Variants in PLEKHS1 observed in about 807,000 individuals in gnomAD.
The protein encoded by PLEKHS1 is pleckstrin homology domain-containing family S member 1.
A neutral mutation model predicts 51.0 loss-of-function variants in PLEKHS1; 55 were observed. The ratio of observed to expected loss-of-function variants is 1.08; its 90% CI spans 0.87 to 1.35. The LOEUF is 1.35. Ranked by LOEUF, PLEKHS1 falls within the 40% of genes most tolerant of loss-of-function variation. The pLI, the probability that PLEKHS1 is intolerant of heterozygous loss-of-function variation, is 0.00. For missense variants in PLEKHS1, 398 were observed against 423.0 expected (o/e 0.94, Z 0.52); for synonymous variants, 153 against 144.8 (o/e 1.06, Z -0.41).
intron 8 of PLEKHS1, among the ~76,000 whole-genome samples, chr10:113,773,534 G>C (rs1844511666): frequency 6.6e-6 from 1 of 152,130 alleles, no homozygotes; most frequent in African/African-American, 2.4e-5. Flanking sequence ...ACTTCAGCCA[G>C]GCCTGAACAT....
chr10:113,756,227 A>C (rs1854105179), intron 2 of PLEKHS1, among the ~76,000 whole-genome samples: 1 of 152,190 alleles, frequency 6.6e-6, no homozygotes, highest in Admixed American at 6.5e-5. Context: ...TGTTGGTGGG[A>C]GGCTGAGGCA....
intron 8 of PLEKHS1, among the ~76,000 whole-genome samples, chr10:113,772,334 T>C (rs1042052191): frequency 1.3e-5 from 2 of 152,106 alleles, no homozygotes; most frequent in African/African-American, 4.8e-5. Context: ...GAGGAGGAGA[T>C]GACTTTCAAA....
chr10:113,771,265 G>A (rs1705752927), intron 7 of PLEKHS1: 1 of 152,222 alleles, frequency 6.6e-6, no homozygotes, highest in Non-Finnish European at 1.5e-5. Context: ...AAAATATGGA[G>A]CAGGAACAGG....
intron 2 of PLEKHS1, among the ~76,000 whole-genome samples, chr10:113,759,714 C>A (rs114017565): frequency 1.3e-5 from 2 of 151,936 alleles, no homozygotes; most frequent in African/African-American, 4.8e-5. Flanking sequence ...TTCCAGTCTT[C>A]GCCTATTATA....
At chr10:113,765,825 T>C (rs1438725020) in intron 2 of PLEKHS1, among the ~76,000 whole-genome samples, 1 of 152,208 alleles carries the variant, frequency 6.6e-6, no homozygotes, top group African/African-American at 2.4e-5. Context: ...TCCTCAGTTT[T>C]GGAAAGGGCA....
chr10:113,777,498 G>A (rs1262774996), intron 11 of PLEKHS1: 27 of 1,574,146 alleles, frequency 1.7e-5, no homozygotes, highest in East Asian at 4.6e-5. Flanking sequence ...ACCTCAGATC[G>A]GCATGATGTA....
chr10:113,774,803 T>A, intron 9 of PLEKHS1, 23 bp from the exon 10 acceptor site: 1 of 1,597,160 alleles, frequency 6.3e-7, no homozygotes, highest in Non-Finnish European at 8.6e-7. Flanking sequence ...AAATAGGGCT[T>A]GTTTTAACTT....
intron 7 of PLEKHS1, among the ~76,000 whole-genome samples, chr10:113,770,645 CT>C (rs1460268588): frequency 6.6e-6 from 1 of 152,072 alleles, no homozygotes; most frequent in Admixed American, 6.6e-5. Flanking sequence ...ATTTTGAAAG[CT>C]TTTTGTAGCA....
intron 11 of PLEKHS1, among the ~76,000 whole-genome samples, chr10:113,776,287 A>G (rs1844656594): frequency 6.6e-6 from 1 of 151,360 alleles, no homozygotes; most frequent in South Asian, 2.1e-4. Flanking sequence ...ACACAAGGTT[A>G]AAAAAAAACA....
exon 12 of PLEKHS1, chr10:113,781,932 T>G (rs1844881570): frequency 6.6e-6 from 1 of 152,312 alleles, no homozygotes; most frequent in Non-Finnish European, 1.5e-5. Flanking sequence ...GCAACGATTT[T>G]AGAAGTCGCA....
At position 113,752,551 on chromosome 10, in the gene PLEKHS1, G is replaced by GTGATACT. The variant is rs1853894217; in HGVS notation, c.-20+790_-20+791insTGATACT. Among the ~76,000 whole-genome samples the GTGATACT allele has an allele frequency of 4.6e-5, 7 of 152,288 alleles. No homozygotes were observed. In the South Asian group the frequency reaches 1.5e-3, roughly 32 times the overall value. ...CAGGGTATCTCAAGTGATACTCCCA[G>GTGATACT]CAATCTGATGAGGGTAGTAATAACC... On this transcript the variant is annotated intron_variant, in intron 1 of 11. Coordinates refer to ENST00000361048, the Ensembl canonical transcript of PLEKHS1.
At chr10:113,767,314 T>C in intron 4 of PLEKHS1, 31 bp from the exon 5 acceptor site, 1 of 1,495,360 alleles carries the variant, frequency 6.7e-7, no homozygotes, top group Non-Finnish European at 9.0e-7. Context: ...GTATTTACCT[T>C]GGTTTAATAC....
chr10:113,780,808 C>T, exon 12 of PLEKHS1: 2 of 1,535,492 alleles, frequency 1.3e-6, no homozygotes, highest in Non-Finnish European at 1.7e-6. Context: ...GGCAGCAGAA[C>T]CAGGATGGAG....
chr10:113,755,458 C>A (rs1854066737), intron 2 of PLEKHS1, 153 bp downstream of exon 2: 1 of 1,351,746 alleles, frequency 7.4e-7, no homozygotes, highest in Non-Finnish European at 9.6e-7. Flanking sequence ...GTTGCGTAGG[C>A]TGGAGTACAG....
exon 12 of PLEKHS1, chr10:113,780,921 A>C (rs906447484): frequency 5.4e-6 from 4 of 738,206 alleles, no homozygotes; most frequent in Non-Finnish European, 6.4e-6. Context: ...GGGGATGACT[A>C]TCCCCTCTCT....
intron 2 of PLEKHS1, chr10:113,765,249 T>C (rs1417858608): frequency 3.6e-6 from 2 of 548,330 alleles, no homozygotes; most frequent in East Asian, 5.5e-5. Flanking sequence ...TCTTTCATGA[T>C]TTTTTAGGTG....
intron 2 of PLEKHS1, among the ~76,000 whole-genome samples, chr10:113,763,273 C>T (rs543070977): frequency 3.3e-5 from 5 of 152,212 alleles, no homozygotes; most frequent in Non-Finnish European, 4.4e-5. Flanking sequence ...CTTTGACTAG[C>T]GTTGGCATAG....
chr10:113,773,637 G>C (rs1219688617), intron 8 of PLEKHS1, among the ~76,000 whole-genome samples: 3 of 152,150 alleles, frequency 2.0e-5, no homozygotes, highest in Non-Finnish European at 4.4e-5. Context: ...GGGGGCCAAT[G>C]GGAAGACTGG....
chr10:113,767,289 T>G lies in PLEKHS1; in HGVS notation c.225-56T>G, dbSNP rs73361839. The G allele has an allele frequency of 1.7e-3, 2,125 of 1,276,480 alleles. 22 individuals are homozygous for G. The African/African-American group carries it at 0.029, about 17-fold the overall frequency. The allele number at this position is 1,276,480 out of a possible 1,614,324, so 79.1% of individuals were successfully genotyped here. ...CCATTTGAATCCCAATATAAAATAT[T>G]AGTTTTCTATTTCTGTATTTACCTT... On this transcript the variant is annotated intron_variant, in intron 4 of 11. Transcript: ENST00000361048.
Sources: gnomAD v4.1 joint callset for allele counts (sites outside exome capture counted in the v4.1 genomes callset) on GRCh38, gnomAD v4.1.1 for gene constraint, MANE v1.5 for transcripts, NCBI Gene and HGNC (gene_info 2026-07-23, HGNC 2026-07-21) for gene names.